EYS: variants seen among roughly 807,000 people sequenced by gnomAD.
EYS encodes EGF-like photoreceptor maintenance factor.
In EYS, 250 loss-of-function variants were observed where a neutral mutation model predicts 282.1. The ratio of observed to expected loss-of-function variants is 0.89; its 90% CI spans 0.80 to 0.98. The LOEUF (loss-of-function observed/expected upper bound fraction) is 0.98, where lower values mean the gene tolerates loss of function less well. Ranked by LOEUF, EYS falls within the 50% of genes least tolerant of loss-of-function variation. The pLI is 0.00. For missense variants in EYS, 4,016 were observed against 3,709.0 expected (o/e 1.08, Z -2.15); for synonymous variants, 1,355 against 1,282.9 (o/e 1.06, Z -1.20).
At chr6:63,918,316 T>TCTAGGATA (rs1273933799) in intron 35 of EYS, among the ~76,000 whole-genome samples, 1 of 152,180 alleles carries the variant, frequency 6.6e-6, no homozygotes, top group African/African-American at 2.4e-5. Flanking sequence ...TATCCTAAAA[T>TCTAGGATA]CTAGGTGGTT....
At chr6:64,883,934 A>T (rs954075655) in intron 19 of EYS, among the ~76,000 whole-genome samples, 1 of 151,548 alleles carries the variant, frequency 6.6e-6, no homozygotes, top group African/African-American at 2.4e-5. Flanking sequence ...AATGTTTATT[A>T]TCTTCTTCCA....
rs563502501 is a variant in EYS, at chr6:65,495,659, A to G, written c.-197-52T>C. 65 of 553,912 alleles carry G rather than the reference A, an allele frequency of 1.2e-4. No homozygotes were observed. The South Asian group carries it at 1.4e-3, about 12-fold the overall frequency. 34.3% of individuals were successfully genotyped at this position (553,912 alleles called of 1,614,324 possible). A position where few individuals can be genotyped will look rare whatever the true frequency, so the allele number is the denominator to read the frequency against. ...TTAGTGAAGTTTTCCCTAAATTAAT[A>G]ATATAGAAAATGCTAGCTCTTTTTG... On this transcript the variant is annotated intron_variant, in intron 3 of 42. Coordinates refer to ENST00000503581, the MANE Select transcript of EYS (RefSeq NM_001142800.2).
chr6:65,445,507 G>A (rs1239292098), intron 5 of EYS, among the ~76,000 whole-genome samples: 1 of 151,474 alleles, frequency 6.6e-6, no homozygotes, highest in Non-Finnish European at 1.5e-5. Context: ...TGTTAAACTT[G>A]TAGCCCTTTT....
intron 36 of EYS, among the ~76,000 whole-genome samples, chr6:63,863,164 G>C (rs955982127): frequency 9.9e-5 from 15 of 152,168 alleles, no homozygotes; most frequent in African/African-American, 3.4e-4. Context: ...AGGAATAAAT[G>C]TTTTTTATTT....
chr6:63,856,387 A>G (rs551879873), intron 36 of EYS, among the ~76,000 whole-genome samples: 1 of 152,332 alleles, frequency 6.6e-6, no homozygotes, highest in African/African-American at 2.4e-5. Context: ...GGAAGGGAGA[A>G]TTCTGTGAGG....
intron 19 of EYS, among the ~76,000 whole-genome samples, chr6:64,885,485 CA>C (rs1454169882): frequency 6.6e-6 from 1 of 151,616 alleles, no homozygotes; most frequent in East Asian, 1.9e-4. Context: ...CTTCTAGCAG[CA>C]GTAACAACAA....
intron 32 of EYS, among the ~76,000 whole-genome samples, chr6:64,077,256 A>G (rs1317788156): frequency 6.6e-6 from 1 of 152,046 alleles, no homozygotes; most frequent in African/African-American, 2.4e-5. Flanking sequence ...CTTAGAAGAG[A>G]AAAGATGCTA....
chr6:65,046,089 G>A (rs1773091993), intron 13 of EYS, among the ~76,000 whole-genome samples: 1 of 151,804 alleles, frequency 6.6e-6, no homozygotes, highest in Non-Finnish European at 1.5e-5. Context: ...CATTCCCCTG[G>A]TTATTCATTG....
At chr6:64,277,394 C>G (rs1768149974) in intron 30 of EYS, among the ~76,000 whole-genome samples, 1 of 152,122 alleles carries the variant, frequency 6.6e-6, no homozygotes, top group Admixed American at 6.5e-5. Flanking sequence ...AAGAAGTACT[C>G]ATTATCAAGG....
chr6:63,977,610 G>T (rs1362120200), intron 35 of EYS, among the ~76,000 whole-genome samples: 2 of 151,934 alleles, frequency 1.3e-5, no homozygotes, highest in African/African-American at 4.8e-5. Context: ...GTGAAGGACT[G>T]GGTGGAAAGA....
intron 1 of EYS, among the ~76,000 whole-genome samples, chr6:65,693,760 G>A (rs1002944798): frequency 1.3e-5 from 2 of 149,918 alleles, no homozygotes; most frequent in African/African-American, 4.9e-5. Flanking sequence ...AAGACATGAA[G>A]TAAACGCAAT....
At chr6:64,616,072 G>A (rs1767264474) in intron 24 of EYS, among the ~76,000 whole-genome samples, 1 of 151,966 alleles carries the variant, frequency 6.6e-6, no homozygotes, top group Non-Finnish European at 1.5e-5. Flanking sequence ...TAGATATTTG[G>A]TAGTAAATTA....
intron 14 of EYS, among the ~76,000 whole-genome samples, chr6:64,946,634 G>A (rs1004740000): frequency 1.7e-4 from 26 of 151,784 alleles, no homozygotes; most frequent in African/African-American, 2.4e-4. Context: ...TTATAAAAAC[G>A]GTAAAATCAA....
At chr6:64,233,002 T>C (rs1766473898) in intron 30 of EYS, among the ~76,000 whole-genome samples, 3 of 152,212 alleles carry the variant, frequency 2.0e-5, no homozygotes, top group Admixed American at 2.0e-4. Flanking sequence ...TTAGTTTTAA[T>C]GTTTCTGAAT....
intron 5 of EYS, among the ~76,000 whole-genome samples, chr6:65,434,399 C>A (rs898680120): frequency 6.6e-6 from 1 of 151,316 alleles, no homozygotes; most frequent in Non-Finnish European, 1.5e-5. Context: ...CGGCTCACTG[C>A]AAGCTCTGCC....
At chr6:64,099,268 T>C (rs1772742777) in intron 31 of EYS, among the ~76,000 whole-genome samples, 1 of 152,198 alleles carries the variant, frequency 6.6e-6, no homozygotes, top group Non-Finnish European at 1.5e-5. Context: ...GAATAATAAT[T>C]AGTAAGTAGT....
At chr6:64,176,799 T>A (rs932730617) in intron 31 of EYS, among the ~76,000 whole-genome samples, 2 of 152,100 alleles carry the variant, frequency 1.3e-5, no homozygotes, top group African/African-American at 4.8e-5. Flanking sequence ...TCAAATTGTT[T>A]GAGGTTCTCT....
intron 26 of EYS, among the ~76,000 whole-genome samples, chr6:64,485,894 C>A (rs1776567970): frequency 1.3e-5 from 2 of 151,292 alleles, no homozygotes. Flanking sequence ...AACAAATATT[C>A]ATATTTCTAT....
intron 14 of EYS, among the ~76,000 whole-genome samples, chr6:64,963,656 C>G (rs1770000022): frequency 1.3e-5 from 2 of 152,214 alleles, no homozygotes; most frequent in African/African-American, 4.8e-5. Context: ...GCAACTCATA[C>G]AATTTTAGCT....
Sources: allele counts gnomAD v4.1 joint callset (sites outside exome capture counted in the v4.1 genomes callset), GRCh38; gene constraint gnomAD v4.1.1; transcripts MANE v1.5; gene names NCBI Gene and HGNC (gene_info 2026-07-23, HGNC 2026-07-21).